CWH43: variants seen among roughly 807,000 people sequenced by gnomAD.
CWH43 encodes cell wall biogenesis 43 C-terminal homolog, also known as PGAP2-interacting protein.
A neutral mutation model predicts 85.7 loss-of-function variants in CWH43; 91 were observed. The observed-to-expected ratio is 1.06, with a 90% CI of 0.90 to 1.26. The LOEUF (loss-of-function observed/expected upper bound fraction) is 1.26. CWH43 is among the 50% of genes most tolerant of loss of function. The pLI, the probability that CWH43 is intolerant of heterozygous loss-of-function variation, is 0.00. For synonymous variants in CWH43, 323 were observed against 293.6 expected, an observed-to-expected ratio of 1.10 and a Z score of -1.02; for missense variants, 869 against 839.2, an observed-to-expected ratio of 1.04 and a Z score of -0.44.
Position 48,998,552 on chromosome 4 carries a change from T to A in CWH43, c.802+4T>A. ...GGTTTGATCTGGTGGGTTACAGGTA[T>A]GTGGAATTTACCTGCAGATAGAACA... On this transcript the variant is annotated splice_donor_region_variant and intron_variant, in intron 6 of 15. Coordinates refer to ENST00000226432, the MANE Select transcript of CWH43 (RefSeq NM_025087.3). 1.2e-6 allele frequency: 2 copies of A among 1,606,212 alleles called. No individual in the cohort carries two copies. The highest frequency in any genetic ancestry group is 2.7e-5 in the African/African-American group (2 of 74,872).
intron 13 of CWH43, among the ~76,000 whole-genome samples, chr4:49,041,448 G>A (rs560211747): frequency 6.6e-6 from 1 of 152,232 alleles, no homozygotes; most frequent in East Asian, 1.9e-4. Flanking sequence ...TCTCCTTGAA[G>A]AGGTCCTTCA....
intron 9 of CWH43, among the ~76,000 whole-genome samples, chr4:49,026,094 C>T (rs1489809368): frequency 1.3e-5 from 2 of 152,192 alleles, no homozygotes; most frequent in Non-Finnish European, 2.9e-5. Context: ...TTATTGCTGC[C>T]TCTGCTGTCT....
In CWH43 at chr4:48,998,509, T is replaced by C; in HGVS notation, c.763T>C (p.Leu255=). The C allele has an allele frequency of 6.2e-7, 1 of 1,614,038 alleles. No homozygotes were observed. Among genetic ancestry groups the C allele is most frequent in the Non-Finnish European group, 8.5e-7 (1 of 1,179,898 alleles). The change falls in exon 6 of 16, where the codon TTG becomes CTG. Residue 255 remains leucine, a synonymous_variant. Transcript: ENST00000226432. ...AAGTGGATTGATGCTTCCATCTTGT[T>C]TGTGGTTTCGTGGTACTGGTTTGAT... is the stretch of plus-strand genomic sequence containing the variant. ...LASGLMLPSC[L]WFRGTGLIWW... is the part of the protein sequence containing the mutation.
At chr4:49,043,154 G>A (rs1042271319) in intron 13 of CWH43, among the ~76,000 whole-genome samples, 4 of 152,318 alleles carry the variant, frequency 2.6e-5, no homozygotes, top group African/African-American at 9.6e-5. Flanking sequence ...GCAAAGTGGT[G>A]AGAGTGATAT....
chr4:49,051,282 T>G (rs989120817), intron 15 of CWH43, among the ~76,000 whole-genome samples: 2 of 152,184 alleles, frequency 1.3e-5, no homozygotes, highest in African/African-American at 4.8e-5. Flanking sequence ...GTAACTTCAC[T>G]GGGGTCACAT....
intron 2 of CWH43, among the ~76,000 whole-genome samples, chr4:48,989,482 G>T (rs554886493): frequency 9.2e-5 from 14 of 152,306 alleles, no homozygotes; most frequent in East Asian, 1.9e-4. Flanking sequence ...ATATCCTACA[G>T]ATATACTCAC....
chr4:49,020,416 C>CACACACACACACACACACACACATAT lies in CWH43; in HGVS notation c.1266+3089_1266+3090insCACACACACACACACACACACATATA, dbSNP rs140534523. Among the ~76,000 whole-genome samples, 46 of 128,388 alleles carry CACACACACACACACACACACACATAT rather than the reference C, an allele frequency of 3.6e-4. 1 individual carries two copies. Among genetic ancestry groups the CACACACACACACACACACACACATAT allele is most frequent in the South Asian group, 7.7e-4 (3 of 3,872 alleles). The allele number at this position is 128,388 out of a possible 152,430, so 84.2% of individuals were successfully genotyped here. On this transcript the variant is annotated intron_variant, in intron 9 of 15. Coordinates refer to ENST00000226432, the MANE Select transcript of CWH43 (RefSeq NM_025087.3). The stretch of plus-strand genomic sequence containing the variant: ...ACACACACACACACACACACACACA[C>CACACACACACACACACACACACATAT]ATATATATATATAAATCATATTTTC...
chr4:48,991,463 C>A lies in CWH43; in HGVS notation c.245C>A (p.Ala82Asp), dbSNP rs763096580. 3 of 1,613,932 alleles carry A rather than the reference C, an allele frequency of 1.9e-6. No individual in the cohort carries two copies. Among genetic ancestry groups the A allele is most frequent in the South Asian group, 2.2e-5 (2 of 91,066 alleles). Reference sequence around the variant, plus strand: ...CCTATTTTGTTTGTAGGCAGCATAGCCTCCTTCCAGGCTCCAAATGCCAAA... The same window carrying A: ...CCTATTTTGTTTGTAGGCAGCATAGACTCCTTCCAGGCTCCAAATGCCAAA... ...LLRIITIGSI[A>D]SFQAPNAKLR... Residue 82 changes from alanine to aspartate, a missense_variant, in exon 3 of 16, where the codon GCC becomes GAC. This residue lies in a region of CWH43 where 140 missense variants were observed against 122.6 expected (regional missense o/e 1.14). Transcript: ENST00000226432.
chr4:49,003,767 C>A lies in CWH43; in HGVS notation c.835C>A (p.His279Asn). 1 of 1,613,974 alleles carries A rather than the reference C, an allele frequency of 6.2e-7. No homozygotes were observed. Residue 279 changes from histidine (H) to asparagine (N), a missense_variant, in exon 7 of 16, where the codon CAC (histidine) becomes AAC (asparagine). By Grantham distance (68) the His-to-Asn change is moderately conservative. Around this residue, in one of 3 missense-constraint regions of CWH43, gnomAD observed 577 missense variants for 513.1 expected, o/e 1.12. Coordinates refer to ENST00000226432, the MANE Select transcript of CWH43 (RefSeq NM_025087.3). ...TASAAGLLYL[H>N]TWAAAVSGCV... The stretch of plus-strand genomic sequence containing the variant: ...TTCAGCTGCGGGGCTCCTTTACCTG[C>A]ACACATGGGCAGCTGCTGTGTCTGG...
At chr4:49,019,391 C>T (rs531134326) in intron 9 of CWH43, among the ~76,000 whole-genome samples, 9 of 152,082 alleles carry the variant, frequency 5.9e-5, no homozygotes, top group Admixed American at 1.3e-4. Context: ...TGAGGGAGAA[C>T]GACACCTGGT....
intron 12 of CWH43, among the ~76,000 whole-genome samples, chr4:49,035,042 C>T (rs1784224457): frequency 1.3e-5 from 2 of 152,114 alleles, no homozygotes; most frequent in African/African-American, 4.8e-5. Flanking sequence ...TGAGCCACTC[C>T]CCAGAAGTAC....
Position 48,989,140 on chromosome 4 carries a change from A to G in CWH43, c.235+472A>G, listed in dbSNP as rs191756010. Among the ~76,000 whole-genome samples, 639 of 152,348 alleles carry G rather than the reference A, an allele frequency of 4.2e-3. 16 individuals carry two copies. Among genetic ancestry groups the G allele is most frequent in the Admixed American group, 0.039 (591 of 15,296 alleles). On this transcript the variant is annotated intron_variant, in intron 2 of 15. Coordinates refer to ENST00000226432, the MANE Select transcript of CWH43 (RefSeq NM_025087.3). ...TCTCTTATATATAGAGTTCCTACAA[A>G]CCAATAATAAAAAGAGACCAACAAA...
intron 5 of CWH43, among the ~76,000 whole-genome samples, chr4:48,997,170 C>T (rs1304137698): frequency 6.6e-6 from 1 of 151,802 alleles, no homozygotes; most frequent in Non-Finnish European, 1.5e-5. Context: ...ATTAGGCCAT[C>T]ATCATGAATA....
chr4:49,059,748 C>G (rs1230442326), intron 15 of CWH43, among the ~76,000 whole-genome samples: 6 of 152,132 alleles, frequency 3.9e-5, no homozygotes, highest in African/African-American at 1.4e-4. Context: ...TGGGGGCCAG[C>G]CTGGTGCTGG....
intron 13 of CWH43, among the ~76,000 whole-genome samples, chr4:49,043,726 A>G (rs974677618): frequency 1.3e-5 from 2 of 152,150 alleles, no homozygotes; most frequent in African/African-American, 2.4e-5. Flanking sequence ...ATAGTTAAAT[A>G]GATTTATTTA....
intron 7 of CWH43, 97 bp from the exon 8 acceptor site, chr4:49,007,104 G>C: frequency 7.4e-7 from 1 of 1,359,670 alleles, no homozygotes; most frequent in Non-Finnish European, 9.9e-7. Flanking sequence ...GAATTTCCAG[G>C]GTATGTTCCT....
intron 15 of CWH43, among the ~76,000 whole-genome samples, chr4:49,058,934 T>C (rs1167786511): frequency 6.6e-6 from 1 of 152,174 alleles, no homozygotes; most frequent in Non-Finnish European, 1.5e-5. Flanking sequence ...TTATAATGTG[T>C]CTTGGTAGCA....
chr4:49,038,510 A>C lies in CWH43; in HGVS notation c.1803+330A>C, dbSNP rs1438702819. On this transcript the variant is annotated intron_variant, in intron 13 of 15. Coordinates refer to ENST00000226432, the MANE Select transcript of CWH43 (RefSeq NM_025087.3). ...AGGCTTGGGACCCTGGTTCCTCGCC[A>C]TGGGCTACTTAGGCTTCCTCCCTGC... 4.6e-5 allele frequency among the ~76,000 whole-genome samples: 7 copies of C among 152,304 alleles called. No individual in the cohort carries two copies. The East Asian group carries it at 1.4e-3, about 29-fold the overall frequency.
At chr4:49,050,459 G>A (rs923663175) in intron 14 of CWH43, among the ~76,000 whole-genome samples, 2 of 152,042 alleles carry the variant, frequency 1.3e-5, no homozygotes, top group African/African-American at 4.8e-5. Context: ...GTAAAGTAAG[G>A]TTGCTAAGAA....
Sources: allele counts gnomAD v4.1 joint callset (sites outside exome capture counted in the v4.1 genomes callset), GRCh38; gene constraint gnomAD v4.1.1; regional missense constraint gnomAD v4.1.1; transcripts MANE v1.5; gene names NCBI Gene and HGNC (gene_info 2026-07-23, HGNC 2026-07-21).